The following TTC33 variants were observed in gnomAD, a reference collection of about 807,000 sequenced individuals.
The protein encoded by TTC33 is tetratricopeptide repeat protein 33.
TTC33 carries 24 observed loss-of-function variants against 29.4 expected under a neutral mutation model. The ratio of observed to expected loss-of-function variants is 0.82; its 90% CI spans 0.59 to 1.15. The LOEUF (loss-of-function observed/expected upper bound fraction) is 1.15. TTC33 is among the 50% of genes most tolerant of loss of function. The pLI is 0.00. For missense variants in TTC33, 286 were observed against 310.4 expected (o/e 0.92, Z 0.59); for synonymous variants, 107 against 100.3 (o/e 1.07, Z -0.40).
intron 1 of TTC33, among the ~76,000 whole-genome samples, chr5:40,750,819 C>T (rs890346777): frequency 7.9e-5 from 12 of 152,190 alleles, no homozygotes; most frequent in African/African-American, 2.7e-4. Flanking sequence ...TCTCAAGAAA[C>T]CACTTTCTTT....
intron 4 of TTC33, among the ~76,000 whole-genome samples, chr5:40,726,969 G>A (rs564711336): frequency 1.6e-4 from 24 of 151,970 alleles, no homozygotes; most frequent in Non-Finnish European, 3.4e-4. Context: ...GTGCTAAATG[G>A]CAAGAAAAAA....
rs111496199 is a variant in TTC33, at chr5:40,716,055, C to G, written c.*90G>C. Reference sequence around the variant, plus strand: ...AAAACATATTTTACAACCAGGCGTTCTCCTATCTATCTCCAGAGTAAATGT... The same window carrying G: ...AAAACATATTTTACAACCAGGCGTTGTCCTATCTATCTCCAGAGTAAATGT... On this transcript the variant is annotated 3_prime_UTR_variant, in exon 5 of 5. Transcript: ENST00000337702. 1.2e-5 allele frequency: 13 copies of G among 1,099,768 alleles called. No homozygotes were observed. The Admixed American group carries it at 2.4e-4, about 21-fold the overall frequency. The allele number at this position is 1,099,768 out of a possible 1,614,324, so 68.1% of individuals were successfully genotyped here.
intron 4 of TTC33, among the ~76,000 whole-genome samples, chr5:40,726,207 A>G (rs1345710014): frequency 7.4e-6 from 1 of 134,718 alleles, no homozygotes; most frequent in Non-Finnish European, 1.6e-5. Flanking sequence ...CCATATACAT[A>G]CATATTTTAT....
intron 4 of TTC33, among the ~76,000 whole-genome samples, chr5:40,725,511 C>A (rs1439054234): frequency 6.6e-6 from 1 of 152,108 alleles, no homozygotes; most frequent in Non-Finnish European, 1.5e-5. Context: ...GTATTTATTG[C>A]ACATTGGCAT....
chr5:40,741,849 C>G (rs184768804), intron 2 of TTC33, among the ~76,000 whole-genome samples: 2 of 152,002 alleles, frequency 1.3e-5, no homozygotes, highest in South Asian at 2.1e-4. Flanking sequence ...ATTAGCCAGG[C>G]GTGGTGGCAC....
chr5:40,738,557 TAAAATAAAATATAAA>T (rs1742619010), intron 2 of TTC33, among the ~76,000 whole-genome samples: 1 of 129,856 alleles, frequency 7.7e-6, no homozygotes, highest in African/African-American at 2.8e-5. Context: ...TAAAATAAAA[TAAAATAAAATATAAA>T]ATAAAATAAA....
chr5:40,728,019 C>T (rs935397153), intron 4 of TTC33, among the ~76,000 whole-genome samples: 8 of 152,088 alleles, frequency 5.3e-5, no homozygotes, highest in Admixed American at 1.3e-4. Flanking sequence ...TGTTGGCTCA[C>T]GCCTGTAATC....
At chr5:40,729,267 A>G (rs918880227) in intron 3 of TTC33, among the ~76,000 whole-genome samples, 40 of 152,358 alleles carry the variant, frequency 2.6e-4, no homozygotes, top group Admixed American at 1.0e-3. Flanking sequence ...TGGATAAACT[A>G]AAGTCAAAGG....
Position 40,711,819 on chromosome 5 carries a change from T to C in TTC33, c.*4326A>G, listed in dbSNP as rs1741904262. Among the ~76,000 whole-genome samples the C allele has an allele frequency of 6.6e-6, 1 of 152,092 alleles. No homozygotes were observed. The highest frequency in any genetic ancestry group is 1.5e-5 in the Non-Finnish European group (1 of 67,988). On this transcript the variant is annotated 3_prime_UTR_variant, in exon 5 of 5. Coordinates refer to ENST00000337702, the MANE Select transcript of TTC33 (RefSeq NM_012382.3). ...TCAGACACAAAAAGAGTGCATATTATATGGCCTATTTATTTCAAACTCTAG... is the reference window on the plus strand; with the variant it reads ...TCAGACACAAAAAGAGTGCATATTACATGGCCTATTTATTTCAAACTCTAG...
rs149219451 is a variant in TTC33, at chr5:40,737,853, G to C, written c.222-7510C>G. Among the ~76,000 whole-genome samples, 829 of 152,212 alleles carry C rather than the reference G, an allele frequency of 5.4e-3. 13 individuals are homozygous for C. The highest frequency in any genetic ancestry group is 0.019 in the African/African-American group (809 of 41,536). On this transcript the variant is annotated intron_variant, in intron 2 of 4. Transcript: ENST00000337702. ...GAATCAGACGGTATGTACTCTTCCT[G>C]ACTTCTTTCCCTTAGCATGTTTCTG...
At chr5:40,745,221 T>C (rs1206886016) in intron 2 of TTC33, among the ~76,000 whole-genome samples, 2 of 152,142 alleles carry the variant, frequency 1.3e-5, no homozygotes. Context: ...AAAAGACATT[T>C]GGGGGAAAAC....
rs758151420 is a variant in TTC33, at chr5:40,729,204, T to A, written c.304-728A>T. On this transcript the variant is annotated intron_variant, in intron 3 of 4. Coordinates refer to ENST00000337702, the MANE Select transcript of TTC33 (RefSeq NM_012382.3). The stretch of plus-strand genomic sequence containing the variant: ...TTTAAGATTGAAAAAGGAATACAAA[T>A]GAAGGTCCTCATATCACTTGATTCA... Among the ~76,000 whole-genome samples, 22 of 152,184 alleles carry A rather than the reference T, an allele frequency of 1.4e-4. 1 individual carries two copies.
At position 40,724,875 on chromosome 5, in the gene TTC33, T is replaced by C. The variant is rs527341392; in HGVS notation, c.435+3470A>G. ...TGGATTTTTTTTTTTTTTTTTGAGATGGAGTCTCACTCTGTCACTCATGCT... is the reference window on the plus strand; with the variant it reads ...TGGATTTTTTTTTTTTTTTTTGAGACGGAGTCTCACTCTGTCACTCATGCT... On this transcript the variant is annotated intron_variant, in intron 4 of 4. Coordinates refer to ENST00000337702, the MANE Select transcript of TTC33 (RefSeq NM_012382.3). 1.4e-3 allele frequency among the ~76,000 whole-genome samples: 202 copies of C among 148,182 alleles called. 1 individual carries two copies. The highest frequency in any genetic ancestry group is 2.4e-3 in the Non-Finnish European group (161 of 67,076).
chr5:40,722,580 C>T (rs1007431471), intron 4 of TTC33, among the ~76,000 whole-genome samples: 1 of 151,460 alleles, frequency 6.6e-6, no homozygotes, highest in Non-Finnish European at 1.5e-5. Flanking sequence ...AACTGAGGAG[C>T]GTCTCTGACC....
At chr5:40,750,046 C>T (rs1393860639) in intron 1 of TTC33, among the ~76,000 whole-genome samples, 2 of 150,438 alleles carry the variant, frequency 1.3e-5, no homozygotes, top group African/African-American at 4.9e-5. Flanking sequence ...TGAGATTGCA[C>T]CACTGCATTC....
At chr5:40,749,758 A>G (rs1283245348) in intron 1 of TTC33, among the ~76,000 whole-genome samples, 3 of 152,222 alleles carry the variant, frequency 2.0e-5, no homozygotes, top group South Asian at 2.1e-4. Context: ...ACACTATACT[A>G]TAGTCTAATT....
Position 40,747,021 on chromosome 5 carries a change from T to G in TTC33, c.-1-2A>C, listed in dbSNP as rs1259764058. The G allele has an allele frequency of 1.9e-6, 3 of 1,602,050 alleles. No homozygotes were observed. The highest frequency in any genetic ancestry group is 2.5e-6 in the Non-Finnish European group (3 of 1,176,550). On this transcript the variant is annotated splice_acceptor_variant, in intron 1 of 4. Coordinates refer to ENST00000337702, the MANE Select transcript of TTC33 (RefSeq NM_012382.3). LOFTEE classifies it low-confidence loss of function (5UTR_SPLICE). ...CTCTTCCACCCAAAGGAAGCCATTC[T>G]GGAAAATTACAAAGAAACAGCTTTA...
Position 40,728,473 on chromosome 5 carries a change from G to A in TTC33, c.307C>T (p.Leu103=). Reference sequence around the variant, plus strand: ...GGGAACATTTCATGAAGAGACATTAGCACCTATAGGCAAAAAAAGACCAAA... The same window carrying A: ...GGGAACATTTCATGAAGAGACATTAACACCTATAGGCAAAAAAAGACCAAA... ...ATLYEMKSQV[L]MSLHEMFPAV... is the part of the protein sequence containing the mutation. The change falls in exon 4 of 5, where the codon CTA becomes TTA. Residue 103 remains leucine, a synonymous_variant. Transcript: ENST00000337702. The A allele has an allele frequency of 6.3e-7, 1 of 1,591,576 alleles. No individual in the cohort carries two copies. Among genetic ancestry groups the A allele is most frequent in the Non-Finnish European group, 8.5e-7 (1 of 1,172,584 alleles).
rs1741936537 is a variant in TTC33, at chr5:40,713,416, C to A, written c.*2729G>T. Reference sequence around the variant, plus strand: ...AGCTGAGACAGAGCTTTTAAAAAATCTTTATAGTTTTACCATACGGCATCA... The same window carrying A: ...AGCTGAGACAGAGCTTTTAAAAAATATTTATAGTTTTACCATACGGCATCA... On this transcript the variant is annotated 3_prime_UTR_variant, in exon 5 of 5. Transcript: ENST00000337702. Among the ~76,000 whole-genome samples, 2 of 152,062 alleles carry A rather than the reference C, an allele frequency of 1.3e-5. No individual in the cohort carries two copies. Among genetic ancestry groups the A allele is most frequent in the African/African-American group, 4.8e-5 (2 of 41,424 alleles).
Sources: gnomAD v4.1 joint callset for allele counts (sites outside exome capture counted in the v4.1 genomes callset) on GRCh38, gnomAD v4.1.1 for gene constraint, MANE v1.5 for transcripts, NCBI Gene and HGNC (gene_info 2026-07-23, HGNC 2026-07-21) for gene names.